PPM1L: variants seen among roughly 807,000 people sequenced by gnomAD.
PPM1L encodes the protein protein phosphatase 1L.
Under a neutral mutation model 31.4 loss-of-function variants are expected in PPM1L, and 13 were observed. The observed-to-expected ratio is 0.41, with a 90% CI of 0.27 to 0.66. The LOEUF (loss-of-function observed/expected upper bound fraction) is 0.66. Among genes scored for constraint, PPM1L ranks in the 30% least tolerant of loss-of-function variants. PPM1L has a pLI of 0.29. For missense variants in PPM1L, 326 were observed against 453.7 expected (o/e 0.72, Z 2.56); for synonymous variants, 184 against 175.4 (o/e 1.05, Z -0.39).
At chr3:160,945,457 C>T (rs905204426) in intron 1 of PPM1L, among the ~76,000 whole-genome samples, 8 of 151,938 alleles carry the variant, frequency 5.3e-5, no homozygotes, top group African/African-American at 1.7e-4. Context: ...TTGGTGGCTG[C>T]CTTGGAATAC....
At chr3:160,856,679 G>A (rs1012063714) in intron 1 of PPM1L, among the ~76,000 whole-genome samples, 1 of 152,008 alleles carries the variant, frequency 6.6e-6, no homozygotes, top group East Asian at 1.9e-4. Context: ...AGGAGGGTGA[G>A]GATTGAAAAA....
intron 1 of PPM1L, among the ~76,000 whole-genome samples, chr3:160,820,607 A>G (rs1189481000): frequency 1.3e-5 from 2 of 152,028 alleles, no homozygotes; most frequent in Non-Finnish European, 2.9e-5. Flanking sequence ...TATTTATAGT[A>G]TTGTATGGTC....
intron 1 of PPM1L, among the ~76,000 whole-genome samples, chr3:160,806,616 A>G (rs1712606163): frequency 6.6e-6 from 1 of 152,116 alleles, no homozygotes; most frequent in South Asian, 2.1e-4. Flanking sequence ...GCTTTTAAAA[A>G]TCGAAGTAAC....
chr3:160,956,657 A>C (rs1715784511), intron 1 of PPM1L, among the ~76,000 whole-genome samples: 1 of 152,264 alleles, frequency 6.6e-6, no homozygotes, highest in Non-Finnish European at 1.5e-5. Flanking sequence ...TTTAAGTGTG[A>C]AACACATAAT....
At chr3:160,763,091 G>A (rs549265100) in intron 1 of PPM1L, among the ~76,000 whole-genome samples, 11 of 152,166 alleles carry the variant, frequency 7.2e-5, no homozygotes, top group African/African-American at 2.4e-4. Flanking sequence ...CTAGTCTCTG[G>A]TTGTCTCTAG....
In PPM1L at chr3:160,924,883, C is replaced by T. The variant is rs200325137; in HGVS notation, c.400-36853C>T. 5.9e-5 allele frequency among the ~76,000 whole-genome samples: 9 copies of T among 152,256 alleles called. No homozygotes were observed. In the East Asian group the frequency reaches 1.4e-3, roughly 23 times the overall value. Reference sequence around the variant, plus strand: ...TTATATCTAATGATAGGAAACAATTCGCATTTAGATTTCCTTTCTGGTATG... The same window carrying T: ...TTATATCTAATGATAGGAAACAATTTGCATTTAGATTTCCTTTCTGGTATG... On this transcript the variant is annotated intron_variant, in intron 1 of 3. Transcript: ENST00000498165.
intron 2 of PPM1L, among the ~76,000 whole-genome samples, chr3:161,054,120 A>G (rs1233763870): frequency 6.6e-6 from 1 of 152,034 alleles, no homozygotes; most frequent in East Asian, 1.9e-4. Flanking sequence ...GCCTCCCTGC[A>G]TATATGGGCG....
intron 1 of PPM1L, among the ~76,000 whole-genome samples, chr3:160,956,537 G>A (rs1347246948): frequency 6.6e-6 from 1 of 152,134 alleles, no homozygotes; most frequent in Non-Finnish European, 1.5e-5. Context: ...TTCCTCAAAG[G>A]GTCCCTAGAA....
chr3:161,019,088 T>C (rs1200076997), intron 2 of PPM1L, among the ~76,000 whole-genome samples: 1 of 152,182 alleles, frequency 6.6e-6, no homozygotes, highest in Non-Finnish European at 1.5e-5. Flanking sequence ...GAGGATAAGA[T>C]TATTTGATTA....
At chr3:160,960,358 T>C (rs530123529) in intron 1 of PPM1L, among the ~76,000 whole-genome samples, 1 of 152,274 alleles carries the variant, frequency 6.6e-6, no homozygotes, top group Admixed American at 6.5e-5. Flanking sequence ...AATTTAGTTA[T>C]GTTGGGAACA....
At chr3:161,033,906 A>G (rs1033387082) in intron 2 of PPM1L, among the ~76,000 whole-genome samples, 3 of 152,218 alleles carry the variant, frequency 2.0e-5, no homozygotes, top group Non-Finnish European at 2.9e-5. Context: ...TGAACAGGCA[A>G]CCTACAGAAT....
At chr3:160,822,101 CT>C (rs1316241318) in intron 1 of PPM1L, among the ~76,000 whole-genome samples, 1 of 151,886 alleles carries the variant, frequency 6.6e-6, no homozygotes, top group Non-Finnish European at 1.5e-5. Context: ...AGTTTTTGTA[CT>C]TTTTTGTAGT....
At chr3:160,844,461 G>T (rs1264260558) in intron 1 of PPM1L, among the ~76,000 whole-genome samples, 1 of 152,104 alleles carries the variant, frequency 6.6e-6, no homozygotes, top group Non-Finnish European at 1.5e-5. Context: ...GAGATATTAT[G>T]AAGGTAAAAA....
chr3:160,986,480 G>T (rs1716969207), intron 2 of PPM1L, among the ~76,000 whole-genome samples: 1 of 152,106 alleles, frequency 6.6e-6, no homozygotes, highest in Admixed American at 6.6e-5. Flanking sequence ...TTTAGAATGA[G>T]AAAAGAAATC....
At chr3:161,003,032 G>C (rs1255718897) in intron 2 of PPM1L, among the ~76,000 whole-genome samples, 1 of 150,614 alleles carries the variant, frequency 6.6e-6, no homozygotes, top group East Asian at 2.0e-4. Context: ...GTAAGGAAGG[G>C]ATCCAGTTTC....
intron 2 of PPM1L, among the ~76,000 whole-genome samples, chr3:160,978,148 A>T (rs981722601): frequency 2.6e-5 from 4 of 152,192 alleles, no homozygotes; most frequent in African/African-American, 9.7e-5. Context: ...AAGCCCAGGT[A>T]CCTTCTAAGG....
intron 1 of PPM1L, among the ~76,000 whole-genome samples, chr3:160,933,284 A>ATT (rs139068573): frequency 1.3e-5 from 2 of 150,158 alleles, no homozygotes; most frequent in African/African-American, 4.9e-5. Flanking sequence ...TTTTGAGTGA[A>ATT]TTTTTTTTTT....
At chr3:160,916,051 A>T (rs929873495) in intron 1 of PPM1L, among the ~76,000 whole-genome samples, 5 of 152,170 alleles carry the variant, frequency 3.3e-5, no homozygotes, top group Admixed American at 6.5e-5. Context: ...AAGCCAAAAT[A>T]GACAAATGGG....
intron 1 of PPM1L, among the ~76,000 whole-genome samples, chr3:160,770,478 A>G (rs1453643711): frequency 6.6e-6 from 1 of 152,232 alleles, no homozygotes; most frequent in Non-Finnish European, 1.5e-5. Flanking sequence ...TTTAAAGTAT[A>G]GTAATATAGA....
Sources: gnomAD v4.1 joint callset for allele counts (sites outside exome capture counted in the v4.1 genomes callset) on GRCh38, gnomAD v4.1.1 for gene constraint, MANE v1.5 for transcripts, NCBI Gene and HGNC (gene_info 2026-07-23, HGNC 2026-07-21) for gene names.